The following SLC16A3 variants were observed in gnomAD, a reference collection of about 807,000 sequenced individuals.
SLC16A3 encodes the protein solute carrier family 16 member 3.
A neutral mutation model predicts 25.0 loss-of-function variants in SLC16A3; 22 were observed. The observed-to-expected ratio is 0.88, with a 90% CI of 0.63 to 1.26. The LOEUF (loss-of-function observed/expected upper bound fraction) is 1.26. Among genes scored for constraint, SLC16A3 ranks in the 50% most tolerant of loss-of-function variants. The pLI is 0.00. For missense variants in SLC16A3, 731 were observed against 666.6 expected, an observed-to-expected ratio of 1.10 and a Z score of -1.06; for synonymous variants, 390 against 309.2, an observed-to-expected ratio of 1.26 and a Z score of -2.74.
At chr17:82,220,547 A>G (rs2147105793) in intron 1 of SLC16A3, among the ~76,000 whole-genome samples, 1 of 152,216 alleles carries the variant, frequency 6.6e-6, no homozygotes, top group African/African-American at 2.4e-5. Context: ...GAGGTGGGAG[A>G]ATCACCTGAG....
At chr17:82,234,415 G>C (rs886694202) in intron 1 of SLC16A3, 1 of 152,336 alleles carries the variant, frequency 6.6e-6, no homozygotes, top group Non-Finnish European at 1.5e-5. Context: ...AGTGCAGGTT[G>C]GGGGGTGGAC....
chr17:82,238,022 C>T (rs112966477), intron 4 of SLC16A3, 129 bp downstream of exon 4: 2 of 1,088,430 alleles, frequency 1.8e-6, no homozygotes, highest in Non-Finnish European at 2.6e-6. Context: ...AGGGGGTGCA[C>T]TGTGCTGGAC....
At position 82,239,454 on chromosome 17, in the gene SLC16A3, ACC is replaced by A. The variant is rs1436588152; in HGVS notation, c.*479_*480del. 6.0e-6 allele frequency: 1 copy of A among 167,816 alleles called. No individual in the cohort carries two copies. Among genetic ancestry groups the A allele is most frequent in the Non-Finnish European group, 1.3e-5 (1 of 79,078 alleles). 10.4% of individuals were successfully genotyped at this position (167,816 alleles called of 1,614,324 possible). ...TTCCACCCCTGGAAGATGGAAATAA[ACC>A]TGCGTGTGGGTGGAGTGTTAGGACC... On this transcript the variant is annotated 3_prime_UTR_variant, in exon 5 of 5. Coordinates refer to ENST00000582743, the MANE Select transcript of SLC16A3 (RefSeq NM_004207.4).
intron 1 of SLC16A3, 95 bp from the exon 2 acceptor site, chr17:82,235,888 G>T: frequency 1.3e-6 from 1 of 794,648 alleles, no homozygotes; most frequent in Non-Finnish European, 2.0e-6. Flanking sequence ...CCCCTCAGCT[G>T]AGCTGCCGGG....
upstream of SLC16A3, among the ~76,000 whole-genome samples, chr17:82,225,593 C>T (rs1402538162): frequency 2.0e-5 from 3 of 152,216 alleles, no homozygotes; most frequent in East Asian, 5.8e-4. Context: ...CCCAGGGAGG[C>T]GGGGCTGTGG....
upstream of SLC16A3, among the ~76,000 whole-genome samples, chr17:82,226,418 G>A (rs894482562): frequency 3.9e-5 from 6 of 152,142 alleles, no homozygotes; most frequent in African/African-American, 1.4e-4. Flanking sequence ...CCCAGAGTGG[G>A]GTGCAGAGAT....
rs1215895536 is a variant in SLC16A3, at chr17:82,237,331, G to A, written c.561G>A (p.Leu187=). 1 of 1,542,284 alleles carries A rather than the reference G, an allele frequency of 6.5e-7. No individual in the cohort carries two copies. The highest frequency in any genetic ancestry group is 8.7e-7 in the Non-Finnish European group (1 of 1,143,088). ...GCTTCCTCATCCTGGGCGGCCTGCT[G>A]CTCAACTGCTGCGTGTGTGCCGCAC... The part of the protein sequence containing the change: ...RGGFLILGGL[L]LNCCVCAALM... Residue 187 remains leucine (L), a synonymous_variant, in exon 4 of 5, where the codon CTG becomes CTA. Transcript: ENST00000582743.
chr17:82,237,509 G>A lies in SLC16A3; in HGVS notation c.739G>A (p.Val247Met), dbSNP rs773513888. 4.6e-5 allele frequency: 74 copies of A among 1,611,350 alleles called. No individual in the cohort carries two copies. The highest frequency in any genetic ancestry group is 5.8e-5 in the Non-Finnish European group (69 of 1,179,534). ...VMVLGLFVPP[V>M]FVVSYAKDLG... ...GGTGCTGGGGCTCTTCGTCCCGCCCGTGTTCGTGGTGAGCTACGCCAAGGA... is the reference window on the plus strand; with the variant it reads ...GGTGCTGGGGCTCTTCGTCCCGCCCATGTTCGTGGTGAGCTACGCCAAGGA... Residue 247 changes from valine (V) to methionine (M), a missense_variant, in exon 4 of 5, where the codon GTG (valine) becomes ATG (methionine). Physicochemically the swap from Val to Met is conservative, Grantham distance 21. Transcript: ENST00000582743.
Position 82,236,028 on chromosome 17 carries a change from A to T in SLC16A3, c.20A>T (p.Asp7Val). ...CTGGCCATGGGAGGGGCCGTGGTGGACGAGGGCCCCACAGGCGTCAAGGCC... is the reference window on the plus strand; with the variant it reads ...CTGGCCATGGGAGGGGCCGTGGTGGTCGAGGGCCCCACAGGCGTCAAGGCC... MGGAVVDEGPTGVKAPD... is the reference protein window; with the variant it reads MGGAVVVEGPTGVKAPD... The change falls in exon 2 of 5, where the codon GAC becomes GTC. Residue 7 changes from aspartate to valine, a missense_variant. Asp to Val is a radical substitution (Grantham distance 152). Coordinates refer to ENST00000582743, the MANE Select transcript of SLC16A3 (RefSeq NM_004207.4). 1 of 1,612,042 alleles carries T rather than the reference A, an allele frequency of 6.2e-7. No individual in the cohort carries two copies. The highest frequency in any genetic ancestry group is 1.1e-5 in the South Asian group (1 of 91,060).
intron 1 of SLC16A3, chr17:82,231,918 T>C (rs1207570572): frequency 6.6e-6 from 1 of 152,286 alleles, no homozygotes; most frequent in African/African-American, 2.4e-5. Flanking sequence ...TTGCGCAGCG[T>C]CCACCCCCTG....
intron 1 of SLC16A3, among the ~76,000 whole-genome samples, chr17:82,219,309 C>T (rs2050374529): frequency 6.6e-6 from 1 of 152,086 alleles, no homozygotes; most frequent in African/African-American, 2.4e-5. Flanking sequence ...GGGGCAGCAG[C>T]ACACTTTGCT....
upstream of SLC16A3, among the ~76,000 whole-genome samples, chr17:82,223,954 A>G (rs2050404036): frequency 6.6e-6 from 1 of 151,834 alleles, no homozygotes; most frequent in Non-Finnish European, 1.5e-5. Flanking sequence ...ATGCACACCT[A>G]CACCCCAACA....
At chr17:82,233,832 ATATTTT>A (rs2050540168) in intron 1 of SLC16A3, 1 of 151,846 alleles carries the variant, frequency 6.6e-6, no homozygotes, top group Non-Finnish European at 1.5e-5. Flanking sequence ...TCAAGTGCAT[ATATTTT>A]TATTTTTTTA....
upstream of SLC16A3, among the ~76,000 whole-genome samples, chr17:82,227,336 T>A (rs897865653): frequency 5.9e-5 from 9 of 151,306 alleles, no homozygotes; most frequent in East Asian, 1.8e-3. Context: ...GGTTCAGGGA[T>A]CAGGGCCAAG....
intron 1 of SLC16A3, among the ~76,000 whole-genome samples, chr17:82,219,134 G>T (rs1053102540): frequency 6.6e-6 from 1 of 152,142 alleles, no homozygotes; most frequent in Non-Finnish European, 1.5e-5. Context: ...GCAGGGATGG[G>T]GCCCATACAT....
At position 82,237,552 on chromosome 17, in the gene SLC16A3, C is replaced by G. The variant is rs777265660; in HGVS notation, c.782C>G (p.Thr261Ser). 6.2e-7 allele frequency: 1 copy of G among 1,611,300 alleles called. No homozygotes were observed. The highest frequency in any genetic ancestry group is 8.5e-7 in the Non-Finnish European group (1 of 1,178,842). Residue 261 changes from threonine to serine, a missense_variant, in exon 4 of 5, where the codon ACC becomes AGC. Transcript: ENST00000582743. ...SYAKDLGVPD[T>S]KAAFLLTILG... The stretch of plus-strand genomic sequence containing the variant: ...GCCAAGGACCTGGGCGTGCCCGACA[C>G]CAAGGCCGCCTTCCTGCTCACCATC...
chr17:82,219,531 T>C (rs562598226), intron 1 of SLC16A3, among the ~76,000 whole-genome samples: 10 of 151,892 alleles, frequency 6.6e-5, no homozygotes, highest in African/African-American at 2.2e-4. Flanking sequence ...GGGCCTGCTG[T>C]GTCTCTGGAG....
intron 1 of SLC16A3, 52 bp from the exon 2 acceptor site, chr17:82,235,931 G>A (rs1295984579): frequency 2.3e-5 from 30 of 1,279,360 alleles, no homozygotes; most frequent in Non-Finnish European, 3.1e-5. Flanking sequence ...CTGCCAGGCT[G>A]CAGCTGGGAT....
rs1383440884 is a variant in SLC16A3, at chr17:82,236,124, C to T, written c.116C>T (p.Pro39Leu). ...ATCACTGGCTTCTCCTACGCCTTCC[C>T]CAAGGCCGTCAGTGTCTTCTTCAAG... ...FVITGFSYAF[P>L]KAVSVFFKEL... The change falls in exon 2 of 5, where the codon CCC becomes CTC. Residue 39 changes from proline (P) to leucine (L), a missense_variant. Transcript: ENST00000582743. 2 of 1,613,278 alleles carry T rather than the reference C, an allele frequency of 1.2e-6. No individual in the cohort carries two copies. The highest frequency in any genetic ancestry group is 1.7e-5 in the Admixed American group (1 of 60,032).
Sources: gnomAD v4.1 joint callset for allele counts (sites outside exome capture counted in the v4.1 genomes callset) on GRCh38, gnomAD v4.1.1 for gene constraint, MANE v1.5 for transcripts, NCBI Gene and HGNC (gene_info 2026-07-23, HGNC 2026-07-21) for gene names.